Variants in GHR observed in about 807,000 individuals in gnomAD.
The protein encoded by GHR is growth hormone receptor.
In GHR, 35 loss-of-function variants were observed where a neutral mutation model predicts 67.1. That is an observed-to-expected ratio of 0.52 (90% CI 0.40 to 0.69). The LOEUF (loss-of-function observed/expected upper bound fraction) is 0.69, where lower values mean the gene tolerates loss of function less well. GHR is among the 30% of genes least tolerant of loss of function. The pLI is 0.00. For synonymous variants in GHR, 272 were observed against 269.1 expected (o/e 1.01, Z -0.10); for missense variants, 792 against 764.6 (o/e 1.04, Z -0.42).
At chr5:42,533,671 A>G (rs545823833) in intron 1 of GHR, among the ~76,000 whole-genome samples, 169 of 151,966 alleles carry the variant, frequency 1.1e-3, no homozygotes, top group Non-Finnish European at 2.2e-3. Context: ...TGCTTTTATT[A>G]TATTATATCT....
chr5:42,654,725 G>A (rs1008446783), intron 3 of GHR, among the ~76,000 whole-genome samples: 8 of 152,090 alleles, frequency 5.3e-5, no homozygotes, highest in South Asian at 2.1e-4. Context: ...GAGTTCAGGG[G>A]CTTGATGTTA....
intron 1 of GHR, among the ~76,000 whole-genome samples, chr5:42,451,720 C>A (rs1320770492): frequency 1.5e-5 from 2 of 133,384 alleles, no homozygotes; most frequent in Admixed American, 7.5e-5. Context: ...AAAAAAAAAA[C>A]CTACTCCTGC....
At chr5:42,527,088 A>G (rs1420120681) in intron 1 of GHR, among the ~76,000 whole-genome samples, 3 of 152,212 alleles carry the variant, frequency 2.0e-5, no homozygotes, top group Non-Finnish European at 2.9e-5. Context: ...AGCACTAAAT[A>G]TAGAAAGGAA....
intron 8 of GHR, among the ~76,000 whole-genome samples, chr5:42,715,636 T>C (rs1414906270): frequency 1.3e-5 from 2 of 152,218 alleles, no homozygotes; most frequent in South Asian, 4.1e-4. Flanking sequence ...AAAATAGAAT[T>C]TCCAAACCAG....
chr5:42,577,329 T>C (rs1278838710), intron 2 of GHR, among the ~76,000 whole-genome samples: 3 of 152,266 alleles, frequency 2.0e-5, no homozygotes, highest in Non-Finnish European at 4.4e-5. Context: ...TAGTGTATTA[T>C]GAATTGATAT....
chr5:42,650,849 G>A (rs979016022), intron 3 of GHR, among the ~76,000 whole-genome samples: 2 of 152,016 alleles, frequency 1.3e-5, no homozygotes, highest in African/African-American at 4.8e-5. Context: ...ACTTTTTCAA[G>A]CATTGTAATC....
chr5:42,705,737 G>C (rs1028117077), intron 6 of GHR, among the ~76,000 whole-genome samples: 6 of 152,082 alleles, frequency 3.9e-5, no homozygotes, highest in Admixed American at 3.9e-4. Context: ...ACATGATCTT[G>C]TTCCTTTTTA....
At chr5:42,716,748 T>G (rs1341982131) in intron 8 of GHR, among the ~76,000 whole-genome samples, 1 of 152,250 alleles carries the variant, frequency 6.6e-6, no homozygotes, top group African/African-American at 2.4e-5. Flanking sequence ...TAGAGGCTAC[T>G]TAATGCAATT....
chr5:42,576,099 T>TAAAATAAAA (rs11400007), intron 2 of GHR, among the ~76,000 whole-genome samples: 1 of 69,236 alleles, frequency 1.4e-5, no homozygotes, highest in African/African-American at 5.7e-5. Flanking sequence ...TAAAATAAAA[T>TAAAATAAAA]AAATAAAATA....
At chr5:42,532,645 A>C (rs904992842) in intron 1 of GHR, among the ~76,000 whole-genome samples, 1 of 152,184 alleles carries the variant, frequency 6.6e-6, no homozygotes, top group Non-Finnish European at 1.5e-5. Context: ...TATATGAAGC[A>C]TGCTTGTTAC....
intron 6 of GHR, among the ~76,000 whole-genome samples, chr5:42,707,232 C>T (rs1758221814): frequency 6.6e-6 from 1 of 152,038 alleles, no homozygotes; most frequent in African/African-American, 2.4e-5. Context: ...CCCCCAAACA[C>T]ATTTTAAATT....
intron 1 of GHR, among the ~76,000 whole-genome samples, chr5:42,449,165 T>C (rs1259956226): frequency 6.6e-6 from 1 of 152,198 alleles, no homozygotes; most frequent in African/African-American, 2.4e-5. Flanking sequence ...TCCAGTTCTG[T>C]GAAGAATGAT....
At chr5:42,505,336 TAA>T (rs1257561086) in intron 1 of GHR, among the ~76,000 whole-genome samples, 1 of 151,990 alleles carries the variant, frequency 6.6e-6, no homozygotes, top group Non-Finnish European at 1.5e-5. Flanking sequence ...TTTTGCTGCT[TAA>T]GTGTTTATTT....
intron 2 of GHR, among the ~76,000 whole-genome samples, chr5:42,583,548 G>A (rs1751305618): frequency 6.6e-6 from 1 of 152,152 alleles, no homozygotes; most frequent in South Asian, 2.1e-4. Context: ...GTCAGCGCAG[G>A]TCCCCAGCAT....
At position 42,688,625 on chromosome 5, in the gene GHR, T is replaced by C. The variant is rs150285357; in HGVS notation, c.137-265T>C. Among the ~76,000 whole-genome samples, 367 of 152,282 alleles carry C rather than the reference T, an allele frequency of 2.4e-3. 3 individuals are homozygous for C. The highest frequency in any genetic ancestry group is 7.7e-3 in the African/African-American group (319 of 41,558). ...TCCAAATCCTAATCTCTAGCTCTGG[T>C]TTCTTAAACAGGTCCTATGAAATGC... is the stretch of plus-strand genomic sequence containing the variant. On this transcript the variant is annotated intron_variant, in intron 3 of 9. Coordinates refer to ENST00000230882, the MANE Select transcript of GHR (RefSeq NM_000163.5).
intron 1 of GHR, among the ~76,000 whole-genome samples, chr5:42,460,801 T>G (rs1356348130): frequency 2.6e-5 from 4 of 152,172 alleles, no homozygotes; most frequent in African/African-American, 9.6e-5. Context: ...CAAGTCTCAT[T>G]TGAGTTCCTG....
intron 4 of GHR, among the ~76,000 whole-genome samples, chr5:42,691,446 A>G (rs559279686): frequency 6.6e-6 from 1 of 152,316 alleles, no homozygotes; most frequent in South Asian, 2.1e-4. Flanking sequence ...GTACAGTTAT[A>G]TTTGATTTCT....
intron 2 of GHR, among the ~76,000 whole-genome samples, chr5:42,623,027 C>T (rs1753531095): frequency 6.6e-6 from 1 of 152,038 alleles, no homozygotes; most frequent in South Asian, 2.1e-4. Context: ...TCAAGTTCTC[C>T]ATAGGAAAAG....
chr5:42,550,187 T>C (rs1314063883), intron 1 of GHR: 4 of 501,962 alleles, frequency 8.0e-6, no homozygotes, highest in African/African-American at 6.2e-5. Context: ...CAAGGAATAC[T>C]GAAAAAGCCC....
Sources: allele counts gnomAD v4.1 joint callset (sites outside exome capture counted in the v4.1 genomes callset), GRCh38; gene constraint gnomAD v4.1.1; transcripts MANE v1.5; gene names NCBI Gene and HGNC (gene_info 2026-07-23, HGNC 2026-07-21).